COP1: variants seen among roughly 807,000 people sequenced by gnomAD.
The protein encoded by COP1 is E3 ubiquitin-protein ligase COP1.
A neutral mutation model predicts 101.3 loss-of-function variants in COP1; 24 were observed. The ratio of observed to expected loss-of-function variants is 0.24; its 90% CI spans 0.17 to 0.33. COP1 has a LOEUF of 0.33. COP1 is among the 10% of genes least tolerant of loss of function. COP1 has a pLI of 1.00. For synonymous variants in COP1, 347 were observed against 341.9 expected (o/e 1.01, Z -0.17); for missense variants, 663 against 906.2 (o/e 0.73, Z 3.45).
chr1:176,159,196 A>G (rs1211681698), intron 5 of COP1, among the ~76,000 whole-genome samples: 1 of 152,360 alleles, frequency 6.6e-6, no homozygotes, highest in East Asian at 1.9e-4. Flanking sequence ...GCACACACAC[A>G]TACACAAATC....
intron 11 of COP1, among the ~76,000 whole-genome samples, chr1:176,064,599 T>C (rs1675573286): frequency 6.6e-6 from 1 of 152,218 alleles, no homozygotes; most frequent in Non-Finnish European, 1.5e-5. Flanking sequence ...ATGAAATTAA[T>C]ATAAGCAGCT....
Position 176,163,907 on chromosome 1 carries a change from A to G in COP1, c.566-16T>C. The G allele has an allele frequency of 6.5e-7, 1 of 1,537,904 alleles. No homozygotes were observed. Among genetic ancestry groups the G allele is most frequent in the African/African-American group, 1.4e-5 (1 of 72,910 alleles). ...AGTTCATTCACTGAAAACAGAAACA[A>G]AATAAAAAGCACACATAATTTGTAT... On this transcript the variant is annotated splice_polypyrimidine_tract_variant and intron_variant, in intron 3 of 19. Coordinates refer to ENST00000367669, the MANE Select transcript of COP1 (RefSeq NM_022457.7).
chr1:176,021,748 A>G (rs1404239598), intron 15 of COP1, among the ~76,000 whole-genome samples: 2 of 152,200 alleles, frequency 1.3e-5, no homozygotes, highest in Admixed American at 6.5e-5. Context: ...CCTCAGAGAC[A>G]AATTCATTAT....
At chr1:175,987,943 A>G (rs1657517784) in intron 17 of COP1, among the ~76,000 whole-genome samples, 2 of 152,208 alleles carry the variant, frequency 1.3e-5, no homozygotes, top group Admixed American at 6.5e-5. Flanking sequence ...GAAGACACAT[A>G]ATGTCTCCAA....
At position 176,195,389 on chromosome 1, in the gene COP1, T is replaced by C. The variant is rs376271335; in HGVS notation, c.408-10697A>G. ...CAAATCTAGTTAGCACTGGAGATGA[T>C]TGAAGAATATGTAACTGACAGTACA... is the stretch of plus-strand genomic sequence containing the variant. On this transcript the variant is annotated intron_variant, in intron 1 of 19. Transcript: ENST00000367669. 1.4e-4 allele frequency among the ~76,000 whole-genome samples: 21 copies of C among 152,262 alleles called. 1 individual carries two copies. In the East Asian group the frequency reaches 3.5e-3, roughly 25 times the overall value.
chr1:176,035,112 G>GT (rs1669263469), intron 14 of COP1, among the ~76,000 whole-genome samples: 1 of 152,136 alleles, frequency 6.6e-6, no homozygotes, highest in Admixed American at 6.5e-5. Context: ...ACAAAGGTCA[G>GT]TCCTAAGGTT....
intron 11 of COP1, among the ~76,000 whole-genome samples, chr1:176,057,375 C>T (rs1673742147): frequency 1.3e-5 from 2 of 152,208 alleles, no homozygotes; most frequent in Non-Finnish European, 1.5e-5. Context: ...CGATCTCCCT[C>T]TGATGCCGAG....
chr1:176,173,206 G>A (rs56346636), intron 3 of COP1, among the ~76,000 whole-genome samples: 10,205 of 151,776 alleles, frequency 0.067, 424 homozygotes, highest in Middle Eastern at 0.12. Flanking sequence ...AGCTACTAGG[G>A]AGGCTGAGGC....
At chr1:176,007,805 G>A (rs921515360) in intron 15 of COP1, among the ~76,000 whole-genome samples, 3 of 152,198 alleles carry the variant, frequency 2.0e-5, no homozygotes, top group Non-Finnish European at 4.4e-5. Context: ...TTGTTTGTGT[G>A]TGCCCTGTCC....
At chr1:175,978,219 CT>C in intron 18 of COP1, among the ~76,000 whole-genome samples, 1 of 152,162 alleles carries the variant, frequency 6.6e-6, no homozygotes, top group East Asian at 1.9e-4. Flanking sequence ...ACAGAACACT[CT>C]TTTTAAAAAA....
chr1:176,176,015 T>TA lies in COP1; in HGVS notation c.468-9dup, dbSNP rs767275859. 2 of 1,369,336 alleles carry TA rather than the reference T, an allele frequency of 1.5e-6. No individual in the cohort carries two copies. Among genetic ancestry groups the TA allele is most frequent in the Non-Finnish European group, 2.0e-6 (2 of 977,312 alleles). 84.8% of individuals were successfully genotyped at this position (1,369,336 alleles called of 1,614,324 possible). A position where few individuals can be genotyped will look rare whatever the true frequency, so the allele number is the denominator to read the frequency against. ...TGATGAATACACTTGTAGCTATTAG[T>TA]AGGGGGGGAAAAAAAAGGCTTAATT... is the stretch of plus-strand genomic sequence containing the variant. On this transcript the variant is annotated splice_polypyrimidine_tract_variant and intron_variant, in intron 2 of 19. Transcript: ENST00000367669.
intron 3 of COP1, among the ~76,000 whole-genome samples, chr1:176,166,271 TGCACACCACTCCACCCA>T (rs1409172871): frequency 1.3e-5 from 2 of 152,046 alleles, no homozygotes; most frequent in East Asian, 3.9e-4. Context: ...GGACTACAGG[TGCACACCACTCCACCCA>T]GCAAATTTTT....
At chr1:176,062,158 G>A (rs892176848) in intron 11 of COP1, among the ~76,000 whole-genome samples, 2 of 151,948 alleles carry the variant, frequency 1.3e-5, no homozygotes, top group Non-Finnish European at 1.5e-5. Flanking sequence ...CCGCCAGCAC[G>A]CCTGGATAAT....
chr1:176,013,326 A>G lies in COP1; in HGVS notation c.1729+14246T>C, dbSNP rs186358865. ...ATACGGTTCAGAAATTTACTTAGCT[A>G]GGGGGAAAAACACAAGATGATGATG... is the stretch of plus-strand genomic sequence containing the variant. On this transcript the variant is annotated intron_variant, in intron 15 of 19. Transcript: ENST00000367669. 2.1e-3 allele frequency among the ~76,000 whole-genome samples: 320 copies of G among 152,278 alleles called. 1 individual carries two copies. Among genetic ancestry groups the G allele is most frequent in the African/African-American group, 7.3e-3 (303 of 41,566 alleles).
In COP1 at chr1:176,186,935, C is replaced by T. The variant is rs146184432; in HGVS notation, c.408-2243G>A. ...CTGGAAGAAATGACTACAGGTTTACCTCGCACACAGCTCCATCATCCGTTA... is the reference window on the plus strand; with the variant it reads ...CTGGAAGAAATGACTACAGGTTTACTTCGCACACAGCTCCATCATCCGTTA... On this transcript the variant is annotated intron_variant, in intron 1 of 19. Coordinates refer to ENST00000367669, the MANE Select transcript of COP1 (RefSeq NM_022457.7). Among the ~76,000 whole-genome samples, 401 of 152,162 alleles carry T rather than the reference C, an allele frequency of 2.6e-3. 3 individuals carry two copies. Among genetic ancestry groups the T allele is most frequent in the African/African-American group, 9.2e-3 (383 of 41,514 alleles).
intron 15 of COP1, among the ~76,000 whole-genome samples, chr1:176,009,523 C>G (rs1664224653): frequency 6.6e-6 from 1 of 152,004 alleles, no homozygotes; most frequent in African/African-American, 2.4e-5. Flanking sequence ...TTTACAGTAG[C>G]TAAAAATTGC....
rs540966114 is a variant in COP1, at chr1:176,047,937, T to C, written c.1278-1613A>G. Reference sequence around the variant, plus strand: ...AAAAAATGAAACAATTAGTGAGGCATAGTGATGGGTTCTTGTCTCCAGAGA... The same window carrying C: ...AAAAAATGAAACAATTAGTGAGGCACAGTGATGGGTTCTTGTCTCCAGAGA... On this transcript the variant is annotated intron_variant, in intron 11 of 19. Coordinates refer to ENST00000367669, the MANE Select transcript of COP1 (RefSeq NM_022457.7). Among the ~76,000 whole-genome samples, 87 of 151,796 alleles carry C rather than the reference T, an allele frequency of 5.7e-4. 2 individuals are homozygous for C. The highest frequency in any genetic ancestry group is 1.9e-3 in the African/African-American group (78 of 41,418).
intron 9 of COP1, among the ~76,000 whole-genome samples, chr1:176,107,100 TC>T: frequency 6.6e-6 from 1 of 152,250 alleles, no homozygotes; most frequent in African/African-American, 2.4e-5. Context: ...ATCACACTGT[TC>T]CAGAAATATA....
chr1:176,031,595 T>G (rs1360615534), intron 14 of COP1, among the ~76,000 whole-genome samples: 1 of 152,166 alleles, frequency 6.6e-6, no homozygotes, highest in Non-Finnish European at 1.5e-5. Flanking sequence ...CTGTATTTAT[T>G]TACATATGGC....
Sources: gnomAD v4.1 joint callset for allele counts (sites outside exome capture counted in the v4.1 genomes callset) on GRCh38, gnomAD v4.1.1 for gene constraint, MANE v1.5 for transcripts, NCBI Gene and HGNC (gene_info 2026-07-23, HGNC 2026-07-21) for gene names.